Variants in CREM observed in about 807,000 individuals in gnomAD.
CREM encodes cAMP responsive element modulator.
Under a neutral mutation model 37.3 loss-of-function variants are expected in CREM, and 13 were observed. The ratio of observed to expected loss-of-function variants is 0.35; its 90% CI spans 0.23 to 0.55. CREM has a LOEUF of 0.55. CREM is among the 20% of genes least tolerant of loss of function. CREM has a pLI of 0.88. For synonymous variants in CREM, 124 were observed against 120.2 expected, an observed-to-expected ratio of 1.03 and a Z score of -0.21; for missense variants, 296 against 362.3, an observed-to-expected ratio of 0.82 and a Z score of 1.49.
At position 35,212,407 on chromosome 10, in the gene CREM, T is replaced by C. The variant is rs1204664413; in HGVS notation, c.*1009T>C. 1 of 152,620 alleles carries C rather than the reference T, an allele frequency of 6.6e-6. No homozygotes were observed. Among genetic ancestry groups the C allele is most frequent in the Admixed American group, 6.5e-5 (1 of 15,286 alleles). The allele number at this position is 152,620 out of a possible 1,614,324, so 9.5% of individuals were successfully genotyped here. A position where few individuals can be genotyped will look rare whatever the true frequency, so the allele number is the denominator to read the frequency against. ...TTGTAGTGTTTGGTGCTCATTTAAA[T>C]ATCTGAACATTTACTACAGTTTTTA... On this transcript the variant is annotated 3_prime_UTR_variant, in exon 8 of 8. Coordinates refer to ENST00000685392, the MANE Select transcript of CREM (RefSeq NM_183011.2).
At chr10:35,142,266 C>G (rs1370316909) in intron 2 of CREM, among the ~76,000 whole-genome samples, 1 of 152,096 alleles carries the variant, frequency 6.6e-6, no homozygotes, top group African/African-American at 2.4e-5. Context: ...CAGGAAAAAA[C>G]TGTTAGAGGG....
At chr10:35,178,807 C>A (rs2094216102) in intron 3 of CREM, 82 bp from the exon 4 acceptor site, 1 of 1,098,778 alleles carries the variant, frequency 9.1e-7, no homozygotes, top group Non-Finnish European at 1.3e-6. Flanking sequence ...GTGCTGCACA[C>A]ACAGACTCTT....
intron 1 of CREM, among the ~76,000 whole-genome samples, chr10:35,128,474 TTA>T (rs1252588301): frequency 6.6e-6 from 1 of 152,112 alleles, no homozygotes; most frequent in East Asian, 1.9e-4. Flanking sequence ...ACGCTGTTTT[TTA>T]TTTGTTGTTT....
At chr10:35,172,196 G>T (rs1235181392) in intron 3 of CREM, among the ~76,000 whole-genome samples, 1 of 152,088 alleles carries the variant, frequency 6.6e-6, no homozygotes, top group Non-Finnish European at 1.5e-5. Flanking sequence ...TGACACATGG[G>T]CTCTGTCAGG....
intron 1 of CREM, among the ~76,000 whole-genome samples, chr10:35,127,934 C>T (rs1296440111): frequency 6.6e-6 from 1 of 152,188 alleles, no homozygotes; most frequent in East Asian, 1.9e-4. Context: ...CAGCCTCTGC[C>T]TCCTGGGTTC....
chr10:35,198,465 A>G (rs1414090852), intron 6 of CREM, among the ~76,000 whole-genome samples: 2 of 151,760 alleles, frequency 1.3e-5, no homozygotes, highest in Non-Finnish European at 2.9e-5. Context: ...AGAGATTGCA[A>G]TGAGCCAACA....
intron 6 of CREM, chr10:35,195,159 A>G: frequency 4.3e-6 from 7 of 1,612,950 alleles, no homozygotes; most frequent in Non-Finnish European, 5.9e-6. Flanking sequence ...TGGTAGAGGA[A>G]ACAAGACAGT....
At chr10:35,138,843 AAG>A (rs1422129192) in intron 2 of CREM, among the ~76,000 whole-genome samples, 2 of 152,016 alleles carry the variant, frequency 1.3e-5, no homozygotes, top group East Asian at 3.9e-4. Context: ...GGGAAAAAAA[AAG>A]AGAAAAGGGA....
chr10:35,133,016 C>G (rs1029961346), intron 1 of CREM, among the ~76,000 whole-genome samples: 1 of 152,192 alleles, frequency 6.6e-6, no homozygotes, highest in Non-Finnish European at 1.5e-5. Context: ...TTTCTCTGTT[C>G]TCTTTCTCTT....
chr10:35,164,652 T>TA (rs1564851024), intron 3 of CREM, among the ~76,000 whole-genome samples: 2 of 152,240 alleles, frequency 1.3e-5, no homozygotes, highest in Non-Finnish European at 2.9e-5. Flanking sequence ...GCTAAACTCT[T>TA]AGACTTTACT....
At chr10:35,191,777 C>A (rs769646141) in intron 6 of CREM, among the ~76,000 whole-genome samples, 1 of 152,170 alleles carries the variant, frequency 6.6e-6, no homozygotes, top group Admixed American at 6.5e-5. Context: ...CTCACTCCCC[C>A]ACCCTCTTCC....
intron 5 of CREM, among the ~76,000 whole-genome samples, chr10:35,187,157 T>A (rs1231700055): frequency 1.7e-5 from 1 of 60,506 alleles, no homozygotes; most frequent in African/African-American, 5.9e-5. Context: ...ATATATATAA[T>A]ATATATTATA....
At chr10:35,206,683 A>G (rs1174756001) in intron 6 of CREM, among the ~76,000 whole-genome samples, 2 of 152,206 alleles carry the variant, frequency 1.3e-5, no homozygotes, top group East Asian at 3.8e-4. Context: ...TTTCTACCTT[A>G]AGTGTTTAGA....
chr10:35,139,900 T>G (rs2091197175), intron 2 of CREM, among the ~76,000 whole-genome samples: 1 of 152,212 alleles, frequency 6.6e-6, no homozygotes, highest in South Asian at 2.1e-4. Flanking sequence ...GGGTCCTGCA[T>G]TTCTGCTGAG....
chr10:35,144,468 T>C (rs1241945161), intron 2 of CREM, among the ~76,000 whole-genome samples: 1 of 152,158 alleles, frequency 6.6e-6, no homozygotes, highest in Non-Finnish European at 1.5e-5. Flanking sequence ...GGGAGGTGTG[T>C]GTAAATACAG....
intron 3 of CREM, chr10:35,152,543 C>G (rs1589517259): frequency 6.6e-6 from 1 of 152,200 alleles, no homozygotes; most frequent in African/African-American, 2.4e-5. Context: ...CCTAGTACGG[C>G]AAATAACTGG....
At chr10:35,170,182 G>C (rs2093742782) in intron 3 of CREM, among the ~76,000 whole-genome samples, 1 of 152,018 alleles carries the variant, frequency 6.6e-6, no homozygotes, top group South Asian at 2.1e-4. Flanking sequence ...AGCCAGGATG[G>C]TCTCTATCTC....
chr10:35,211,457 T>G lies in CREM; in HGVS notation c.*59T>G. Reference sequence around the variant, plus strand: ...AAGGCAGGAGATGCAGCAGTCCTACTTATTGCCATGTGGACTTGTGGGAAG... The same window carrying G: ...AAGGCAGGAGATGCAGCAGTCCTACGTATTGCCATGTGGACTTGTGGGAAG... On this transcript the variant is annotated 3_prime_UTR_variant, in exon 8 of 8. Transcript: ENST00000685392. 6.3e-7 allele frequency: 1 copy of G among 1,575,716 alleles called. No individual in the cohort carries two copies. The highest frequency in any genetic ancestry group is 8.6e-7 in the Non-Finnish European group (1 of 1,160,034).
chr10:35,128,581 A>G (rs2088569856), intron 1 of CREM, among the ~76,000 whole-genome samples: 1 of 140,506 alleles, frequency 7.1e-6, no homozygotes, highest in Non-Finnish European at 1.5e-5. Context: ...GCTGGAGTGC[A>G]GTGGTCCGCT....
Sources: allele counts gnomAD v4.1 joint callset (sites outside exome capture counted in the v4.1 genomes callset), GRCh38; gene constraint gnomAD v4.1.1; transcripts MANE v1.5; gene names NCBI Gene and HGNC (gene_info 2026-07-23, HGNC 2026-07-21).